Variants in SORCS1 observed in about 807,000 individuals in gnomAD.
SORCS1 encodes the protein sortilin related VPS10 domain containing receptor 1.
SORCS1 carries 60 observed loss-of-function variants against 146.1 expected under a neutral mutation model. The observed-to-expected ratio is 0.41, with a 90% CI of 0.33 to 0.51. The LOEUF is 0.51. Among genes scored for constraint, SORCS1 ranks in the 20% least tolerant of loss-of-function variants. The pLI, the probability that SORCS1 is intolerant of heterozygous loss-of-function variation, is 0.21. For synonymous variants in SORCS1, 637 were observed against 584.0 expected, an observed-to-expected ratio of 1.09 and a Z score of -1.31; for missense variants, 1,352 against 1,487.6, an observed-to-expected ratio of 0.91 and a Z score of 1.50.
In SORCS1 at chr10:106,653,646, C is replaced by A. The variant is rs546357760; in HGVS notation, c.2304-1093G>T. On this transcript the variant is annotated intron_variant, in intron 17 of 25. Transcript: ENST00000263054. ...GCATAGTTTTCCAATGCGTTTAAGT[C>A]TAGTGAATGTCCTTTCCTCTGTGAG... is the stretch of plus-strand genomic sequence containing the variant. Among the ~76,000 whole-genome samples the A allele has an allele frequency of 5.3e-5, 8 of 152,282 alleles. No individual in the cohort carries two copies. The South Asian group carries it at 1.7e-3, about 32-fold the overall frequency.
At chr10:107,032,811 T>C (rs1002824729) in intron 1 of SORCS1, among the ~76,000 whole-genome samples, 1 of 152,136 alleles carries the variant, frequency 6.6e-6, no homozygotes, top group Non-Finnish European at 1.5e-5. Context: ...CCACCCTCTC[T>C]TCACTCTGCG....
chr10:106,758,901 A>G (rs1217658595), intron 5 of SORCS1, among the ~76,000 whole-genome samples: 2 of 152,198 alleles, frequency 1.3e-5, no homozygotes, highest in Non-Finnish European at 2.9e-5. Flanking sequence ...CTGTGCAACA[A>G]AAACCTCCTT....
chr10:107,052,214 C>T (rs928190998), intron 1 of SORCS1, among the ~76,000 whole-genome samples: 5 of 152,110 alleles, frequency 3.3e-5, no homozygotes, highest in Non-Finnish European at 5.9e-5. Context: ...TGGCTACTTA[C>T]GAGAGACTCA....
intron 2 of SORCS1, among the ~76,000 whole-genome samples, chr10:106,897,626 G>A (rs2138010152): frequency 6.6e-6 from 1 of 151,974 alleles, no homozygotes; most frequent in Non-Finnish European, 1.5e-5. Context: ...ACATGTATGT[G>A]TGCTTGTGTA....
chr10:107,004,550 A>G (rs1957361353), intron 1 of SORCS1, among the ~76,000 whole-genome samples: 1 of 152,108 alleles, frequency 6.6e-6, no homozygotes, highest in African/African-American at 2.4e-5. Context: ...TCAGAACAGT[A>G]TGGAGGAAAT....
chr10:106,598,432 T>C (rs1846042883), intron 23 of SORCS1, among the ~76,000 whole-genome samples: 1 of 151,768 alleles, frequency 6.6e-6, no homozygotes, highest in African/African-American at 2.4e-5. Flanking sequence ...CAGCTATTTT[T>C]TGTATTTTTA....
At chr10:106,863,042 GATA>G (rs1950084013) in intron 2 of SORCS1, among the ~76,000 whole-genome samples, 1 of 151,998 alleles carries the variant, frequency 6.6e-6, no homozygotes, top group Admixed American at 6.6e-5. Flanking sequence ...GAAAAAATCT[GATA>G]ATATTTCTTT....
At chr10:106,776,718 G>A (rs1474084788) in intron 3 of SORCS1, 26 bp from the exon 4 acceptor site, 1 of 1,585,188 alleles carries the variant, frequency 6.3e-7, no homozygotes, top group Non-Finnish European at 8.6e-7. Context: ...GTTGGAGAAA[G>A]AAACAACAGA....
intron 1 of SORCS1, among the ~76,000 whole-genome samples, chr10:106,969,765 C>T (rs1248792359): frequency 2.0e-5 from 3 of 152,124 alleles, no homozygotes; most frequent in Non-Finnish European, 4.4e-5. Flanking sequence ...CCCTGGCTTC[C>T]TCTCTCCACC....
intron 3 of SORCS1, among the ~76,000 whole-genome samples, chr10:106,795,519 C>G (rs1946513284): frequency 6.6e-6 from 1 of 152,070 alleles, no homozygotes; most frequent in South Asian, 2.1e-4. Context: ...ACAATAGGAA[C>G]ACTGAGGACT....
At chr10:107,034,131 C>T (rs575947534) in intron 1 of SORCS1, among the ~76,000 whole-genome samples, 3 of 152,252 alleles carry the variant, frequency 2.0e-5, no homozygotes, top group South Asian at 2.1e-4. Context: ...ACAGGAAAAT[C>T]TCTTATTTGT....
At chr10:106,863,632 A>G (rs1028961983) in intron 2 of SORCS1, among the ~76,000 whole-genome samples, 1 of 138,036 alleles carries the variant, frequency 7.2e-6, no homozygotes, top group Non-Finnish European at 1.5e-5. Context: ...ACTGATCTCT[A>G]TTCCTCCAGT....
intron 18 of SORCS1, among the ~76,000 whole-genome samples, chr10:106,650,864 CTCT>C (rs1482940431): frequency 6.6e-6 from 1 of 152,106 alleles, no homozygotes; most frequent in African/African-American, 2.4e-5. Flanking sequence ...CCTTTTCCTC[CTCT>C]TCATTTTTCT....
chr10:106,821,024 T>C (rs943878159), intron 3 of SORCS1, among the ~76,000 whole-genome samples: 2 of 152,264 alleles, frequency 1.3e-5, no homozygotes, highest in South Asian at 4.2e-4. Context: ...AATAAATAAT[T>C]AGACAGATAA....
intron 6 of SORCS1, among the ~76,000 whole-genome samples, chr10:106,716,451 C>A (rs1855380201): frequency 6.6e-6 from 1 of 152,198 alleles, no homozygotes; most frequent in Non-Finnish European, 1.5e-5. Context: ...TAAGATCCAA[C>A]AAATCTTTAC....
At chr10:107,059,021 T>C (rs1434428102) in intron 1 of SORCS1, among the ~76,000 whole-genome samples, 1 of 152,244 alleles carries the variant, frequency 6.6e-6, no homozygotes, top group Non-Finnish European at 1.5e-5. Flanking sequence ...AACTCTTCCC[T>C]ATAATGCATC....
intron 1 of SORCS1, among the ~76,000 whole-genome samples, chr10:106,999,927 A>G (rs1362783897): frequency 7.8e-6 from 1 of 128,500 alleles, no homozygotes; most frequent in Non-Finnish European, 1.5e-5. Context: ...TGTTGTTTGG[A>G]AAAAAAAATC....
At chr10:106,776,414 G>C in intron 4 of SORCS1, 120 bp downstream of exon 4, 1 of 1,269,184 alleles carries the variant, frequency 7.9e-7, no homozygotes, top group Admixed American at 2.0e-5. Flanking sequence ...TTAGCACAGA[G>C]GTCAGGCTAC....
At chr10:107,104,426 A>G (rs1965162075) in intron 1 of SORCS1, among the ~76,000 whole-genome samples, 1 of 152,172 alleles carries the variant, frequency 6.6e-6, no homozygotes, top group Non-Finnish European at 1.5e-5. Context: ...CTTCTCCTGA[A>G]ACAGTGTTTC....
Sources: allele counts gnomAD v4.1 joint callset (sites outside exome capture counted in the v4.1 genomes callset), GRCh38; gene constraint gnomAD v4.1.1; transcripts MANE v1.5; gene names NCBI Gene and HGNC (gene_info 2026-07-23, HGNC 2026-07-21).